CLCN1: variants seen among roughly 807,000 people sequenced by gnomAD.
The protein encoded by CLCN1 is chloride channel protein 1.
A neutral mutation model predicts 114.5 loss-of-function variants in CLCN1; 100 were observed. That is an observed-to-expected ratio of 0.87 (90% confidence interval 0.74 to 1.03). The LOEUF (loss-of-function observed/expected upper bound fraction) is 1.03, where lower values mean the gene tolerates loss of function less well. Among genes scored for constraint, CLCN1 ranks in the 50% least tolerant of loss-of-function variants. CLCN1 has a pLI of 0.00. For missense variants in CLCN1, 1,188 were observed against 1,250.0 expected (o/e 0.95, Z 0.75); for synonymous variants, 485 against 487.1 (o/e 1.00, Z 0.06).
At chr7:143,331,771 A>G (rs1307256514) in intron 10 of CLCN1, 119 bp downstream of exon 10, 11 of 740,750 alleles carry the variant, frequency 1.5e-5, no homozygotes, top group Middle Eastern at 2.4e-4. Flanking sequence ...TTAAAATATA[A>G]GGAAGCTCTG....
chr7:143,337,617 T>C (rs1199416505), intron 12 of CLCN1, among the ~76,000 whole-genome samples: 1 of 152,142 alleles, frequency 6.6e-6, no homozygotes, highest in East Asian at 1.9e-4. Context: ...TGGCAGTTTG[T>C]CCTGAGCTTT....
chr7:143,332,824 A>G lies in CLCN1; in HGVS notation c.1352A>G (p.His451Arg). The G allele has an allele frequency of 6.2e-7, 1 of 1,613,864 alleles. No homozygotes were observed. The highest frequency in any genetic ancestry group is 8.5e-7 in the Non-Finnish European group (1 of 1,179,956). ...CTGGGCCAGTCAGCTGTGTGGATTCACCCCCGGGTCAACGTTGTCATCATC... is the reference window on the plus strand; with the variant it reads ...CTGGGCCAGTCAGCTGTGTGGATTCGCCCCCGGGTCAACGTTGTCATCATC... Reference protein sequence around the residue: ...ESLGQSAVWIHPRVNVVIIIF... With the variant: ...ESLGQSAVWIRPRVNVVIIIF... The change falls in exon 12 of 23, where the codon CAC becomes CGC. Residue 451 changes from histidine (H) to arginine (R), a missense_variant. By Grantham distance (29) the His-to-Arg change is conservative. Transcript: ENST00000343257.
intron 12 of CLCN1, among the ~76,000 whole-genome samples, chr7:143,334,851 G>T (rs981777564): frequency 6.6e-6 from 1 of 152,064 alleles, no homozygotes; most frequent in African/African-American, 2.4e-5. Context: ...TTTTTATCAT[G>T]AAAGAAGTTT....
Position 143,342,497 on chromosome 7 carries a change from A to G in CLCN1, c.1922A>G (p.Asp641Gly), listed in dbSNP as rs760693424. The G allele has an allele frequency of 1.2e-5, 19 of 1,614,040 alleles. No homozygotes were observed. The highest frequency in any genetic ancestry group is 1.4e-5 in the Non-Finnish European group (16 of 1,180,004). The change falls in exon 16 of 23, where the codon GAC becomes GGC. Residue 641 changes from aspartate (D) to glycine (G), a missense_variant. Coordinates refer to ENST00000343257, the MANE Select transcript of CLCN1 (RefSeq NM_000083.3). ...ACAGTCAAGACTTTACCACTGGTTGACTCAAAAGGTCAGTGGGGAGGAAGA... is the reference window on the plus strand; with the variant it reads ...ACAGTCAAGACTTTACCACTGGTTGGCTCAAAAGGTCAGTGGGGAGGAAGA... ...TTTVKTLPLV[D>G]SKDSMILLGS...
chr7:143,322,982 C>G (rs1802481565), intron 5 of CLCN1, among the ~76,000 whole-genome samples: 1 of 152,216 alleles, frequency 6.6e-6, no homozygotes, highest in African/African-American at 2.4e-5. Flanking sequence ...GTTTTCTCAG[C>G]CTGGAACATT....
At chr7:143,349,039 T>G (rs1425057694) in intron 20 of CLCN1, among the ~76,000 whole-genome samples, 1 of 152,212 alleles carries the variant, frequency 6.6e-6, no homozygotes, top group Non-Finnish European at 1.5e-5. Flanking sequence ...ATTAGAATAA[T>G]GCTTGGCAAA....
At chr7:143,345,384 G>A in intron 16 of CLCN1, 137 bp from the exon 17 acceptor site, 3 of 1,145,892 alleles carry the variant, frequency 2.6e-6, no homozygotes, top group Non-Finnish European at 3.6e-6. Context: ...TTCTTAAAAT[G>A]AGTTTCCAGG....
intron 16 of CLCN1, among the ~76,000 whole-genome samples, chr7:143,343,750 T>C (rs538640388): frequency 6.0e-4 from 90 of 150,784 alleles, no homozygotes; most frequent in African/African-American, 1.9e-3. Flanking sequence ...TTCTTTCTCT[T>C]TCTCTCTCTC....
chr7:143,332,199 G>C (rs940187696), intron 10 of CLCN1, among the ~76,000 whole-genome samples: 1 of 152,160 alleles, frequency 6.6e-6, no homozygotes, highest in Admixed American at 6.5e-5. Flanking sequence ...TGTGACCTAA[G>C]GTGATCTGCC....
At chr7:143,319,669 T>A in intron 1 of CLCN1, 86 bp from the exon 2 acceptor site, 2 of 1,442,290 alleles carry the variant, frequency 1.4e-6, no homozygotes, top group Non-Finnish European at 1.9e-6. Flanking sequence ...GTTGTTCTTT[T>A]CTTCTGTGAG....
rs1269268607 is a variant in CLCN1 at position 143,342,025 on chromosome 7, T to C, written c.1679T>C (p.Met560Thr). ...TGQIAHILPM[M>T]VAVILANMVA... Reference sequence around the variant, plus strand: ...CAGATTGCTCACATCCTGCCCATGATGGTGGCTGTTATCTTGGCCAACATG... The same window carrying C: ...CAGATTGCTCACATCCTGCCCATGACGGTGGCTGTTATCTTGGCCAACATG... Residue 560 changes from methionine to threonine, a missense_variant, in exon 15 of 23, where the codon ATG (methionine) becomes ACG (threonine). Met to Thr is a moderately conservative substitution (Grantham distance 81). Transcript: ENST00000343257. 7 of 1,614,084 alleles carry C rather than the reference T, an allele frequency of 4.3e-6. No homozygotes were observed. In the East Asian group the frequency reaches 6.7e-5, roughly 15 times the overall value.
At chr7:143,326,533 C>T (rs553382057) in intron 7 of CLCN1, among the ~76,000 whole-genome samples, 126 of 152,114 alleles carry the variant, frequency 8.3e-4, no homozygotes, top group Non-Finnish European at 1.5e-3. Flanking sequence ...GAAAAAGTGG[C>T]CCAATGGCAG....
At position 143,339,117 on chromosome 7, in the gene CLCN1, T is replaced by G; in HGVS notation, c.1402-136T>G. On this transcript the variant is annotated intron_variant, in intron 12 of 22. Coordinates refer to ENST00000343257, the MANE Select transcript of CLCN1 (RefSeq NM_000083.3). This position sits in a 1 kb window ranked among gnomAD's most constrained non-coding sequence, Gnocchi z 4.1. ...ATGGCTTTTGTTTCTGGAAGAAGGG[T>G]GACAGACAAAGTGACTTTCAGAAGG... The G allele has an allele frequency of 3.9e-6, 3 of 765,672 alleles. No homozygotes were observed. The highest frequency in any genetic ancestry group is 1.7e-5 in the African/African-American group (1 of 58,888). The allele number at this position is 765,672 out of a possible 1,614,324, so 47.4% of individuals were successfully genotyped here. A position where few individuals can be genotyped will look rare whatever the true frequency, so the allele number is the denominator to read the frequency against.
At chr7:143,316,732 G>T (rs910648010) in intron 1 of CLCN1, among the ~76,000 whole-genome samples, 27 of 152,160 alleles carry the variant, frequency 1.8e-4, no homozygotes, top group African/African-American at 6.5e-4. Flanking sequence ...GCAGTGTGCT[G>T]GGAGCTGTCT....
chr7:143,327,634 T>C (rs949976950), intron 7 of CLCN1, among the ~76,000 whole-genome samples: 1 of 152,094 alleles, frequency 6.6e-6, no homozygotes, highest in African/African-American at 2.4e-5. Flanking sequence ...GAAAGTAAAA[T>C]TGATATAACC....
intron 3 of CLCN1, among the ~76,000 whole-genome samples, 184 bp downstream of exon 3, chr7:143,320,979 C>T (rs1403938805): frequency 6.6e-6 from 1 of 152,180 alleles, no homozygotes; most frequent in Non-Finnish European, 1.5e-5. Flanking sequence ...CCACTTCTCA[C>T]GCCCCTCCAC....
At chr7:143,327,647 G>A (rs1802609962) in intron 7 of CLCN1, among the ~76,000 whole-genome samples, 1 of 152,082 alleles carries the variant, frequency 6.6e-6, no homozygotes, top group South Asian at 2.1e-4. Context: ...ATATAACCTG[G>A]TGATTAATTT....
chr7:143,342,317 A>G (rs1803101831), intron 15 of CLCN1, 55 bp from the exon 16 acceptor site: 2 of 1,605,048 alleles, frequency 1.2e-6, no homozygotes, highest in Non-Finnish European at 1.7e-6. Flanking sequence ...TATGGGAGGA[A>G]TGGAAGGGAT....
chr7:143,323,655 C>T (rs763497572), intron 6 of CLCN1: 23 of 622,846 alleles, frequency 3.7e-5, no homozygotes, highest in Middle Eastern at 5.2e-4. Context: ...CTCCCATGCT[C>T]TCCCTGCTAG....
Sources: gnomAD v4.1 joint callset for allele counts (sites outside exome capture counted in the v4.1 genomes callset) on GRCh38, gnomAD v4.1.1 for gene constraint, Gnocchi (gnomAD v3.1) non-coding constraint, MANE v1.5 for transcripts, NCBI Gene and HGNC (gene_info 2026-07-23, HGNC 2026-07-21) for gene names.